FARP1: variants seen among roughly 807,000 people sequenced by gnomAD.
FARP1 encodes FERM, ARHGEF and pleckstrin domain-containing protein 1.
Under a neutral mutation model 128.8 loss-of-function variants are expected in FARP1, and 52 were observed. The ratio of observed to expected loss-of-function variants is 0.40; its 90% CI spans 0.32 to 0.51. The LOEUF (loss-of-function observed/expected upper bound fraction) is 0.51, where lower values mean the gene tolerates loss of function less well. Ranked by LOEUF, FARP1 falls within the 20% of genes least tolerant of loss-of-function variation. The pLI, the probability that FARP1 is intolerant of heterozygous loss-of-function variation, is 0.45. For synonymous variants in FARP1, 580 were observed against 551.8 expected (o/e 1.05, Z -0.72); for missense variants, 1,333 against 1,367.9 (o/e 0.97, Z 0.40).
rs563423239 is a variant in FARP1 at position 98,422,016 on chromosome 13, G to A, written c.1827-2556G>A. On this transcript the variant is annotated intron_variant, in intron 16 of 26. Transcript: ENST00000319562. ...GAAATGCATTACCTGGGTCAGCCGT[G>A]GTTTGGCATCATGAACCGAAACCAC... 1.4e-4 allele frequency among the ~76,000 whole-genome samples: 21 copies of A among 152,278 alleles called. 1 individual carries two copies. In the South Asian group the frequency reaches 3.5e-3, roughly 26 times the overall value.
intron 2 of FARP1, among the ~76,000 whole-genome samples, chr13:98,308,323 C>T (rs1566859126): frequency 6.6e-6 from 1 of 152,162 alleles, no homozygotes; most frequent in East Asian, 1.9e-4. Context: ...TTCTCGTGCT[C>T]CCTCAGGGGC....
At chr13:98,286,236 C>T (rs1162405592) in intron 2 of FARP1, among the ~76,000 whole-genome samples, 1 of 152,184 alleles carries the variant, frequency 6.6e-6, no homozygotes, top group African/African-American at 2.4e-5. Flanking sequence ...CTCTCTCCTG[C>T]ATCTGCTCCT....
Position 98,451,959 on chromosome 13 carries a change from G to C in FARP1, c.*3642G>C, listed in dbSNP as rs569594188. On this transcript the variant is annotated 3_prime_UTR_variant, in exon 27 of 27. Transcript: ENST00000319562. Reference sequence around the variant, plus strand: ...TCGCACAGATCAGCAACCTCCAACTGCATCATCTCGGTGAGCAAGTGCGCA... The same window carrying C: ...TCGCACAGATCAGCAACCTCCAACTCCATCATCTCGGTGAGCAAGTGCGCA... 1 of 152,188 alleles carries C rather than the reference G, an allele frequency of 6.6e-6. No homozygotes were observed. The highest frequency in any genetic ancestry group is 1.5e-5 in the Non-Finnish European group (1 of 68,106). The allele number at this position is 152,188 out of a possible 1,614,324, so 9.4% of individuals were successfully genotyped here.
chr13:98,219,235 G>C (rs1881274204), intron 2 of FARP1, among the ~76,000 whole-genome samples: 1 of 152,152 alleles, frequency 6.6e-6, no homozygotes. Flanking sequence ...GAAAGCTCAG[G>C]GTTTCCTCTT....
chr13:98,441,220 G>A (rs895674633), intron 24 of FARP1, among the ~76,000 whole-genome samples: 21 of 152,312 alleles, frequency 1.4e-4, no homozygotes, highest in African/African-American at 3.6e-4. Context: ...ACCGCCCCAC[G>A]GGAATCTGGT....
intron 1 of FARP1, among the ~76,000 whole-genome samples, chr13:98,168,735 C>G (rs559855388): frequency 1.2e-4 from 19 of 152,292 alleles, no homozygotes; most frequent in Admixed American, 5.9e-4. Flanking sequence ...AGAGCCCTTC[C>G]CAAAGTGATT....
At chr13:98,447,440 G>A (rs562526994) in intron 26 of FARP1, 32 of 152,548 alleles carry the variant, frequency 2.1e-4, no homozygotes, top group African/African-American at 7.0e-4. Context: ...GATCAAAGTT[G>A]GGATTTTGCT....
chr13:98,275,628 C>CTTTTTTT, intron 2 of FARP1, among the ~76,000 whole-genome samples: 1 of 67,084 alleles, frequency 1.5e-5, no homozygotes, highest in Non-Finnish European at 3.4e-5. Flanking sequence ...CTCTTTCTCT[C>CTTTTTTT]TTTTTTTTTT....
chr13:98,153,326 A>ATG (rs1876177306), intron 1 of FARP1, among the ~76,000 whole-genome samples: 3 of 9,082 alleles, frequency 3.3e-4, no homozygotes, highest in Admixed American at 3.0e-3. Context: ...TATATAAATA[A>ATG]TATAATATAT....
intron 2 of FARP1, among the ~76,000 whole-genome samples, chr13:98,291,302 A>G (rs1327108380): frequency 2.0e-5 from 3 of 152,204 alleles, no homozygotes; most frequent in African/African-American, 7.2e-5. Context: ...GGATCATCCG[A>G]AAGGCCTTCC....
chr13:98,160,191 G>A (rs1405707589), intron 1 of FARP1, among the ~76,000 whole-genome samples: 2 of 152,222 alleles, frequency 1.3e-5, no homozygotes, highest in Non-Finnish European at 2.9e-5. Flanking sequence ...TGATGGAGGT[G>A]AGGGAAGAAG....
At chr13:98,188,628 A>T (rs1879034955) in intron 1 of FARP1, among the ~76,000 whole-genome samples, 1 of 152,128 alleles carries the variant, frequency 6.6e-6, no homozygotes, top group South Asian at 2.1e-4. Flanking sequence ...TGAAGGCTTA[A>T]AGCGGTGCCC....
chr13:98,320,091 G>A (rs2090477367), intron 2 of FARP1, among the ~76,000 whole-genome samples: 2 of 152,130 alleles, frequency 1.3e-5, no homozygotes, highest in African/African-American at 4.8e-5. Flanking sequence ...TTTTCCTCCC[G>A]GGCTAGCTCT....
At chr13:98,295,400 C>T (rs970728620) in intron 2 of FARP1, among the ~76,000 whole-genome samples, 1 of 152,146 alleles carries the variant, frequency 6.6e-6, no homozygotes. Context: ...GGACACAACC[C>T]AGGTTTGCTA....
chr13:98,305,833 A>G (rs1886127355), intron 2 of FARP1, among the ~76,000 whole-genome samples: 3 of 151,302 alleles, frequency 2.0e-5, no homozygotes, highest in East Asian at 1.9e-4. Flanking sequence ...GTTCAACTCA[A>G]ATTTTACTTC....
At chr13:98,269,489 A>G (rs1884287890) in intron 2 of FARP1, among the ~76,000 whole-genome samples, 1 of 152,248 alleles carries the variant, frequency 6.6e-6, no homozygotes, top group Admixed American at 6.5e-5. Flanking sequence ...GCCATTTGGC[A>G]TCTCAACAGA....
intron 14 of FARP1, among the ~76,000 whole-genome samples, chr13:98,410,157 G>A (rs1891135810): frequency 6.6e-6 from 1 of 152,224 alleles, no homozygotes; most frequent in Non-Finnish European, 1.5e-5. Flanking sequence ...CGGACAACAG[G>A]CGACCTCCTT....
At chr13:98,340,173 C>T (rs527399760) in intron 2 of FARP1, among the ~76,000 whole-genome samples, 1 of 152,074 alleles carries the variant, frequency 6.6e-6, no homozygotes, top group African/African-American at 2.4e-5. Context: ...ATCAAATTCC[C>T]TTAGTTCCCA....
chr13:98,439,982 T>G lies in FARP1; in HGVS notation c.2455T>G (p.Trp819Gly). 1 of 1,588,124 alleles carries G rather than the reference T, an allele frequency of 6.3e-7. No homozygotes were observed. Among genetic ancestry groups the G allele is most frequent in the Non-Finnish European group, 8.6e-7 (1 of 1,163,232 alleles). The change falls in exon 22 of 27, where the codon TGG becomes GGG. Residue 819 changes from tryptophan (W) to glycine (G), a missense_variant. Trp to Gly is a radical substitution (Grantham distance 184). Coordinates refer to ENST00000319562, the MANE Select transcript of FARP1 (RefSeq NM_005766.4). ...ACAGATTGAGGAGAGCGAAGACGAG[T>G]GGGGGGTGCCCCACTGCCTGACCCT... ...GMTIEESEDEWGVPHCLTLRG... is the reference protein window; with the variant it reads ...GMTIEESEDEGGVPHCLTLRG...
Sources: allele counts gnomAD v4.1 joint callset (sites outside exome capture counted in the v4.1 genomes callset), GRCh38; gene constraint gnomAD v4.1.1; transcripts MANE v1.5; gene names NCBI Gene and HGNC (gene_info 2026-07-23, HGNC 2026-07-21).